SNX30: variants seen among roughly 807,000 people sequenced by gnomAD.
SNX30 encodes the protein sorting nexin-30.
A neutral mutation model predicts 46.4 loss-of-function variants in SNX30; 24 were observed. The observed-to-expected ratio is 0.52, with a 90% CI of 0.37 to 0.73. The LOEUF is 0.73. Ranked by LOEUF, SNX30 falls within the 30% of genes least tolerant of loss-of-function variation. The pLI is 0.00. For synonymous variants in SNX30, 189 were observed against 211.5 expected (o/e 0.89, Z 0.92); for missense variants, 533 against 555.7 (o/e 0.96, Z 0.41).
Position 112,752,710 on chromosome 9 carries a change from T to A in SNX30, c.156+1553T>A, listed in dbSNP as rs1454666666. Reference sequence around the variant, plus strand: ...AAACCTCATTTCCTTCTCAGTTCTGTGTGGGACACTGAATTAATTATCTAT... The same window carrying A: ...AAACCTCATTTCCTTCTCAGTTCTGAGTGGGACACTGAATTAATTATCTAT... On this transcript the variant is annotated intron_variant, in intron 1 of 8. Coordinates refer to ENST00000374232, the MANE Select transcript of SNX30 (RefSeq NM_001012994.2). Among the ~76,000 whole-genome samples the A allele has an allele frequency of 2.6e-5, 4 of 152,254 alleles. No homozygotes were observed. In the East Asian group the frequency reaches 7.7e-4, roughly 29 times the overall value.
Position 112,859,289 on chromosome 9 carries a change from A to G in SNX30, c.1102-4958A>G, listed in dbSNP as rs114725876. ...TTTGAGGCTGAATAATATCCCATATATATGGGACATACACACACATACATA... is the reference window on the plus strand; with the variant it reads ...TTTGAGGCTGAATAATATCCCATATGTATGGGACATACACACACATACATA... On this transcript the variant is annotated intron_variant, in intron 7 of 8. Coordinates refer to ENST00000374232, the MANE Select transcript of SNX30 (RefSeq NM_001012994.2). Among the ~76,000 whole-genome samples the G allele has an allele frequency of 2.8e-3, 428 of 152,318 alleles. 2 individuals are homozygous for G. Among genetic ancestry groups the G allele is most frequent in the African/African-American group, 9.8e-3 (409 of 41,572 alleles).
At chr9:112,879,174 C>T (rs1370950980), downstream of SNX30, 5 of 152,226 alleles carry the variant, frequency 3.3e-5, no homozygotes, top group African/African-American at 1.2e-4. Context: ...CTCCATCCCC[C>T]TCCTGAGTGT....
At position 112,874,060 on chromosome 9, in the gene SNX30, T is replaced by C. The variant is rs1214550728; in HGVS notation, c.*5217T>C. Reference sequence around the variant, plus strand: ...AACACCCCTGTTGGACAGGATTGATTGTTCGCAGTCTTAGACCAACACTTC... The same window carrying C: ...AACACCCCTGTTGGACAGGATTGATCGTTCGCAGTCTTAGACCAACACTTC... On this transcript the variant is annotated 3_prime_UTR_variant, in exon 9 of 9. Transcript: ENST00000374232. 6.6e-6 allele frequency: 1 copy of C among 152,222 alleles called. No individual in the cohort carries two copies. Among genetic ancestry groups the C allele is most frequent in the Admixed American group, 6.5e-5 (1 of 15,276 alleles). 9.4% of individuals were successfully genotyped at this position (152,222 alleles called of 1,614,324 possible).
At chr9:112,777,146 T>G (rs1158075265) in intron 1 of SNX30, among the ~76,000 whole-genome samples, 1 of 152,244 alleles carries the variant, frequency 6.6e-6, no homozygotes, top group African/African-American at 2.4e-5. Flanking sequence ...TTTGATCCTG[T>G]TTGCTGTATC....
rs185978805 is a variant in SNX30 at position 112,762,442 on chromosome 9, G to T, written c.156+11285G>T. Reference sequence around the variant, plus strand: ...GAAAGATAAAGAAGATCTCTCCCCCGAGAGGTTAATGGTCCAGTGAAGAAG... The same window carrying T: ...GAAAGATAAAGAAGATCTCTCCCCCTAGAGGTTAATGGTCCAGTGAAGAAG... On this transcript the variant is annotated intron_variant, in intron 1 of 8. Coordinates refer to ENST00000374232, the MANE Select transcript of SNX30 (RefSeq NM_001012994.2). Among the ~76,000 whole-genome samples, 268 of 152,202 alleles carry T rather than the reference G, an allele frequency of 1.8e-3. 4 individuals carry two copies. Among genetic ancestry groups the T allele is most frequent in the African/African-American group, 6.0e-3 (248 of 41,502 alleles).
Position 112,874,892 on chromosome 9 carries a change from T to G in SNX30, c.*6049T>G, listed in dbSNP as rs763928802. The G allele has an allele frequency of 6.6e-6, 1 of 152,184 alleles. No homozygotes were observed. The highest frequency in any genetic ancestry group is 1.5e-5 in the Non-Finnish European group (1 of 68,024). 9.4% of individuals were successfully genotyped at this position (152,184 alleles called of 1,614,324 possible). A position where few individuals can be genotyped will look rare whatever the true frequency, so the allele number is the denominator to read the frequency against. ...TTACATTTTGAGGTAAACAAAAGAA[T>G]TTGTATTGCTTGATAAATATTAGCT... is the stretch of plus-strand genomic sequence containing the variant. On this transcript the variant is annotated 3_prime_UTR_variant, in exon 9 of 9. Coordinates refer to ENST00000374232, the MANE Select transcript of SNX30 (RefSeq NM_001012994.2).
chr9:112,754,554 T>C (rs1329024310), intron 1 of SNX30, among the ~76,000 whole-genome samples: 2 of 151,962 alleles, frequency 1.3e-5, no homozygotes, highest in African/African-American at 4.8e-5. Flanking sequence ...TACAGGTGAC[T>C]GCCACCACAC....
chr9:112,780,561 A>C (rs1214507950), intron 1 of SNX30, among the ~76,000 whole-genome samples: 5 of 152,138 alleles, frequency 3.3e-5, no homozygotes, highest in African/African-American at 1.2e-4. Flanking sequence ...CTTTGCACCA[A>C]AATCCAAGAA....
chr9:112,833,033 A>T (rs571282680), intron 4 of SNX30, among the ~76,000 whole-genome samples: 3 of 152,022 alleles, frequency 2.0e-5, no homozygotes, highest in Non-Finnish European at 4.4e-5. Flanking sequence ...TTCTTTAAAA[A>T]TTTTTAAAAT....
At chr9:112,781,286 A>G (rs970127627) in intron 1 of SNX30, among the ~76,000 whole-genome samples, 6 of 152,218 alleles carry the variant, frequency 3.9e-5, no homozygotes, top group African/African-American at 9.6e-5. Flanking sequence ...TCATTTTTGT[A>G]GTGGAATCTG....
At chr9:112,839,880 G>A (rs1450763342) in intron 6 of SNX30, among the ~76,000 whole-genome samples, 1 of 152,096 alleles carries the variant, frequency 6.6e-6, no homozygotes, top group African/African-American at 2.4e-5. Flanking sequence ...CGTAGATCCA[G>A]GAAAACATTG....
intron 6 of SNX30, among the ~76,000 whole-genome samples, chr9:112,846,516 A>G (rs888019119): frequency 4.6e-5 from 7 of 152,224 alleles, no homozygotes; most frequent in African/African-American, 1.7e-4. Context: ...CACCAGTACC[A>G]GATCAGACTC....
At chr9:112,816,839 A>T (rs1840404307) in intron 2 of SNX30, among the ~76,000 whole-genome samples, 2 of 152,152 alleles carry the variant, frequency 1.3e-5, no homozygotes. Context: ...CATAGGGAAA[A>T]ATGGCTTATG....
chr9:112,796,315 T>C (rs1330988845), intron 1 of SNX30, among the ~76,000 whole-genome samples: 1 of 152,250 alleles, frequency 6.6e-6, no homozygotes, highest in Non-Finnish European at 1.5e-5. Flanking sequence ...CATGGCATCC[T>C]GCCTGAGGTC....
chr9:112,834,258 C>T (rs1003558457), intron 4 of SNX30, among the ~76,000 whole-genome samples: 2 of 152,068 alleles, frequency 1.3e-5, no homozygotes, highest in Non-Finnish European at 1.5e-5. Context: ...CTGGACATAG[C>T]ATCAGATCCC....
At chr9:112,779,430 C>G (rs149188701) in intron 1 of SNX30, among the ~76,000 whole-genome samples, 1 of 152,232 alleles carries the variant, frequency 6.6e-6, no homozygotes, top group African/African-American at 2.4e-5. Flanking sequence ...GGCATGGTGG[C>G]GCATGCCTGT....
chr9:112,883,167 A>C (rs963316556), downstream of SNX30, among the ~76,000 whole-genome samples: 1 of 152,176 alleles, frequency 6.6e-6, no homozygotes, highest in African/African-American at 2.4e-5. Flanking sequence ...GTGAGAAGAA[A>C]GTGAATGGGA....
At chr9:112,851,050 C>A (rs115874219) in intron 7 of SNX30, 105 bp downstream of exon 7, 1 of 760,334 alleles carries the variant, frequency 1.3e-6, no homozygotes, top group African/African-American at 1.7e-5. Context: ...TCAGTGCCGG[C>A]TGGGCTACGT....
Position 112,754,406 on chromosome 9 carries a change from C to CTT in SNX30, c.156+3270_156+3271dup, listed in dbSNP as rs755479504. Among the ~76,000 whole-genome samples the CTT allele has an allele frequency of 8.5e-3, 959 of 112,968 alleles. 11 individuals carry two copies. Among genetic ancestry groups the CTT allele is most frequent in the African/African-American group, 0.015 (413 of 26,786 alleles). 74.1% of individuals were successfully genotyped at this position (112,968 alleles called of 152,430 possible). A position where few individuals can be genotyped will look rare whatever the true frequency, so the allele number is the denominator to read the frequency against. ...TTGATGCCTGCTAAACTCACTGGGC[C>CTT]TTTTTTTTTTTTTTTTTTTTTTGAG... On this transcript the variant is annotated intron_variant, in intron 1 of 8. Transcript: ENST00000374232.
Sources: gnomAD v4.1 joint callset for allele counts (sites outside exome capture counted in the v4.1 genomes callset) on GRCh38, gnomAD v4.1.1 for gene constraint, MANE v1.5 for transcripts, NCBI Gene and HGNC (gene_info 2026-07-23, HGNC 2026-07-21) for gene names.